Variants in LENG9 observed in about 807,000 individuals in gnomAD.
The protein encoded by LENG9 is leukocyte receptor cluster (LRC) member 9.
For synonymous variants in LENG9, 410 were observed against 303.9 expected (o/e 1.35, Z -3.63); for missense variants, 872 against 652.7 (o/e 1.34, Z -3.66).
At position 54,462,639 on chromosome 19, in the gene LENG9, G is replaced by A. The variant is rs748579099; in HGVS notation, c.888C>T (p.Arg296=). ...CCATGAGGGCCACAAAATGTGTGGGGCGCGGTTGGCAAGGGGCTGCAACAC... is the reference window on the plus strand; with the variant it reads ...CCATGAGGGCCACAAAATGTGTGGGACGCGGTTGGCAAGGGGCTGCAACAC... ...RLSVAAPCQP[R]PTHFVALMVT... Residue 296 remains arginine, a synonymous_variant, in exon 1 of 1, where the codon CGC becomes CGT. Transcript: ENST00000611161. 4 of 1,613,372 alleles carry A rather than the reference G, an allele frequency of 2.5e-6. No homozygotes were observed. The highest frequency in any genetic ancestry group is 1.7e-5 in the Admixed American group (1 of 60,026).
chr19:54,463,718 G>A lies in LENG9; in HGVS notation c.-192C>T, dbSNP rs553366643. The A allele has an allele frequency of 2.2e-4, 160 of 715,856 alleles. No individual in the cohort carries two copies. The East Asian group carries it at 5.6e-3, about 25-fold the overall frequency. The allele number at this position is 715,856 out of a possible 1,614,324, so 44.3% of individuals were successfully genotyped here. A position where few individuals can be genotyped will look rare whatever the true frequency, so the allele number is the denominator to read the frequency against. On this transcript the variant is annotated 5_prime_UTR_variant, in exon 1 of 1. Coordinates refer to ENST00000611161, the MANE Select transcript of LENG9 (RefSeq NM_001301782.2). ...CCTCCTTGGTGGAGAGCCTGACACC[G>A]CTGCTCTGGGACTTCCCGGCTGCGC... is the stretch of plus-strand genomic sequence containing the variant.
rs1246400507 is a variant in LENG9, at chr19:54,463,126, A to C, written c.401T>G (p.Leu134Arg). ...GGTGCGCGAGGCGCGGTCCCACACA[A>C]GGCGGCCACGGAAGCGGAAGAAGCG... The part of the protein sequence containing the change: ...RVRFFRFRGR[L>R]VWDRASRTDL... The change falls in exon 1 of 1, where the codon CTT becomes CGT. Residue 134 changes from leucine (L) to arginine (R), a missense_variant. Leu to Arg is a moderately radical substitution (Grantham distance 102, BLOSUM62 -2). Transcript: ENST00000611161. 3 of 1,599,230 alleles carry C rather than the reference A, an allele frequency of 1.9e-6. No individual in the cohort carries two copies. Among genetic ancestry groups the C allele is most frequent in the East Asian group, 4.5e-5 (2 of 44,632 alleles).
Position 54,462,325 on chromosome 19 carries a change from T to C in LENG9, c.1202A>G (p.Gln401Arg), listed in dbSNP as rs1160620399. The change falls in exon 1 of 1, where the codon CAA (glutamine) becomes CGA (arginine). Residue 401 changes from glutamine to arginine, a missense_variant. Coordinates refer to ENST00000611161, the MANE Select transcript of LENG9 (RefSeq NM_001301782.2). The stretch of plus-strand genomic sequence containing the variant: ...GGCTTCCAGCCTCTGGCTCAGCACT[T>C]GTGCCATGCTTTCCAGTGTGGGAGA... ...PPSPTLESMA[Q>R]VLSQRLEAEG... is the part of the protein sequence containing the mutation. 6.2e-7 allele frequency: 1 copy of C among 1,606,108 alleles called. No homozygotes were observed. Among genetic ancestry groups the C allele is most frequent in the African/African-American group, 1.3e-5 (1 of 74,924 alleles).
rs2084675859 is a variant in LENG9 at position 54,463,628 on chromosome 19, G to A, written c.-102C>T. Reference sequence around the variant, plus strand: ...AGCCTCACCCGACAGTGGCGTCAGCGGCCCGCGCTCCGGCCTAGCTCTGGG... The same window carrying A: ...AGCCTCACCCGACAGTGGCGTCAGCAGCCCGCGCTCCGGCCTAGCTCTGGG... On this transcript the variant is annotated 5_prime_UTR_variant, in exon 1 of 1. Transcript: ENST00000611161. 2.4e-6 allele frequency: 3 copies of A among 1,258,706 alleles called. No individual in the cohort carries two copies. 78.0% of individuals were successfully genotyped at this position (1,258,706 alleles called of 1,614,324 possible). A position where few individuals can be genotyped will look rare whatever the true frequency, so the allele number is the denominator to read the frequency against.
In LENG9 at chr19:54,463,323, C is replaced by T. The variant is rs1194958917; in HGVS notation, c.204G>A (p.Ala68=). 1 of 1,501,990 alleles carries T rather than the reference C, an allele frequency of 6.7e-7. No individual in the cohort carries two copies. Among genetic ancestry groups the T allele is most frequent in the Non-Finnish European group, 8.8e-7 (1 of 1,131,122 alleles). The allele number at this position is 1,501,990 out of a possible 1,614,324, so 93.0% of individuals were successfully genotyped here. Residue 68 remains alanine (A), a synonymous_variant, in exon 1 of 1, where the codon GCG becomes GCA. Transcript: ENST00000611161. ...CCCAGCGGATGCGCTGGATGACGTC[C>T]GCGGCTGTGCGCAGCGGCGGCTTCT... is the stretch of plus-strand genomic sequence containing the variant. ...GAKKPPLRTA[A]DVIQRIRWDP...
chr19:54,463,463 G>T lies in LENG9; in HGVS notation c.64C>A (p.Pro22Thr). 1 of 1,286,398 alleles carries T rather than the reference G, an allele frequency of 7.8e-7. No homozygotes were observed. The highest frequency in any genetic ancestry group is 9.8e-7 in the Non-Finnish European group (1 of 1,016,640). The allele number at this position is 1,286,398 out of a possible 1,614,324, so 79.7% of individuals were successfully genotyped here. ...CCTTCCAGGAAGAAGCGGCAGGCCG[G>T]CGGGGGCGCGGGTTCCGTGGCGGGG... The part of the protein sequence containing the change: ...EAPATEPAPP[P>T]ACRFFLEGRC... Residue 22 changes from proline to threonine, a missense_variant, in exon 1 of 1, where the codon CCG (proline) becomes ACG (threonine). Physicochemically the swap from Pro to Thr is conservative, Grantham distance 38. Coordinates refer to ENST00000611161, the MANE Select transcript of LENG9 (RefSeq NM_001301782.2).
chr19:54,462,699 A>T lies in LENG9; in HGVS notation c.828T>A (p.Pro276=). ...SAETTEAEWG[P]AAWPEDKRAR... is the part of the protein sequence containing the mutation. ...CCCTTTTGTCCTCGGGCCAGGCCGC[A>T]GGACCCCACTCGGCTTCTGTCGTCT... The change falls in exon 1 of 1, where the codon CCT becomes CCA. Residue 276 remains proline (P), a synonymous_variant. Coordinates refer to ENST00000611161, the MANE Select transcript of LENG9 (RefSeq NM_001301782.2). 6.2e-7 allele frequency: 1 copy of T among 1,611,078 alleles called. No individual in the cohort carries two copies. Among genetic ancestry groups the T allele is most frequent in the Non-Finnish European group, 8.5e-7 (1 of 1,179,990 alleles).
chr19:54,462,114 G>C lies in LENG9; in HGVS notation c.1413C>G (p.Pro471=). Residue 471 remains proline (P), a synonymous_variant, in exon 1 of 1, where the codon CCC becomes CCG. Transcript: ENST00000611161. The part of the protein sequence containing the change: ...RIGRTGGPFQ[P]LAEIPLE ...GTCACTCCAGGGGGATCTCAGCCAG[G>C]GGCTGGAAAGGCCCCCCTGTCCTCC... 6.4e-7 allele frequency: 1 copy of C among 1,572,702 alleles called. No homozygotes were observed. The highest frequency in any genetic ancestry group is 8.6e-7 in the Non-Finnish European group (1 of 1,158,572).
In LENG9 at chr19:54,462,197, T is replaced by C. The variant is rs1313532687; in HGVS notation, c.1330A>G (p.Thr444Ala). Residue 444 changes from threonine to alanine, a missense_variant, in exon 1 of 1, where the codon ACC becomes GCC. Coordinates refer to ENST00000611161, the MANE Select transcript of LENG9 (RefSeq NM_001301782.2). ...SQVHLPKLEFTLSQEVGCQPL... is the reference protein window; with the variant it reads ...SQVHLPKLEFALSQEVGCQPL... ...TGGCACCCCACTTCCTGGCTGAGGG[T>C]GAACTCCAGCTTGGGGAGGTGGACC... The C allele has an allele frequency of 1.2e-6, 2 of 1,613,366 alleles. No homozygotes were observed. Among genetic ancestry groups the C allele is most frequent in the Non-Finnish European group, 1.7e-6 (2 of 1,179,650 alleles).
rs934262317 is a variant in LENG9 at position 54,463,472 on chromosome 19, C to T, written c.55G>A (p.Ala19Thr). 4 of 1,294,468 alleles carry T rather than the reference C, an allele frequency of 3.1e-6. No homozygotes were observed. In the African/African-American group the frequency reaches 4.6e-5, roughly 15 times the overall value. 80.2% of individuals were successfully genotyped at this position (1,294,468 alleles called of 1,614,324 possible). A position where few individuals can be genotyped will look rare whatever the true frequency, so the allele number is the denominator to read the frequency against. The change falls in exon 1 of 1, where the codon GCG becomes ACG. Residue 19 changes from alanine to threonine, a missense_variant. Physicochemically the swap from Ala to Thr is moderately conservative, Grantham distance 58 (BLOSUM62 0). Transcript: ENST00000611161. The part of the protein sequence containing the change: ...LPQEAPATEP[A>T]PPPACRFFLE... ...AAGAAGCGGCAGGCCGGCGGGGGCG[C>T]GGGTTCCGTGGCGGGGGCTTCCTGC...
rs1429439314 is a variant in LENG9 at position 54,462,665 on chromosome 19, T to C, written c.862A>G (p.Ser288Gly). The C allele has an allele frequency of 6.2e-7, 1 of 1,612,300 alleles. No individual in the cohort carries two copies. Among genetic ancestry groups the C allele is most frequent in the Admixed American group, 1.7e-5 (1 of 59,990 alleles). ...AWPEDKRARL[S>G]VAAPCQPRPT... The stretch of plus-strand genomic sequence containing the variant: ...CGCGGTTGGCAAGGGGCTGCAACAC[T>C]AAGGCGGGCCCTTTTGTCCTCGGGC... Residue 288 changes from serine to glycine, a missense_variant, in exon 1 of 1, where the codon AGT becomes GGT. Transcript: ENST00000611161.
rs1369343644 is a variant in LENG9 at position 54,463,226 on chromosome 19, A to G, written c.301T>C (p.Phe101Leu). 5.2e-6 allele frequency: 8 copies of G among 1,548,206 alleles called. No individual in the cohort carries two copies. In the South Asian group the frequency reaches 5.9e-5, roughly 11 times the overall value. Residue 101 changes from phenylalanine (F) to leucine (L), a missense_variant, in exon 1 of 1, where the codon TTC becomes CTC. By Grantham distance (22) the Phe-to-Leu change is conservative. Transcript: ENST00000611161. ...GGCTGGTCCCAGCAAAAGGCGCTGA[A>G]GGGCTCCTCGCGCACACCCAGAAAG... The part of the protein sequence containing the change: ...DRFLGVREEP[F>L]SAFCWDQPLA...
At position 54,463,637 on chromosome 19, in the gene LENG9, T is replaced by G. The variant is rs1328155535; in HGVS notation, c.-111A>C. The G allele has an allele frequency of 8.0e-7, 1 of 1,253,120 alleles. No individual in the cohort carries two copies. Among genetic ancestry groups the G allele is most frequent in the African/African-American group, 1.6e-5 (1 of 63,378 alleles). The allele number at this position is 1,253,120 out of a possible 1,614,324, so 77.6% of individuals were successfully genotyped here. On this transcript the variant is annotated 5_prime_UTR_variant, in exon 1 of 1. Coordinates refer to ENST00000611161, the MANE Select transcript of LENG9 (RefSeq NM_001301782.2). Reference sequence around the variant, plus strand: ...CGACAGTGGCGTCAGCGGCCCGCGCTCCGGCCTAGCTCTGGGGACCACGCC... The same window carrying G: ...CGACAGTGGCGTCAGCGGCCCGCGCGCCGGCCTAGCTCTGGGGACCACGCC...
In LENG9 at chr19:54,463,638, C is replaced by A; in HGVS notation, c.-112G>T. 8.0e-7 allele frequency: 1 copy of A among 1,252,958 alleles called. No homozygotes were observed. The highest frequency in any genetic ancestry group is 2.4e-5 in the South Asian group (1 of 41,022). 77.6% of individuals were successfully genotyped at this position (1,252,958 alleles called of 1,614,324 possible). ...GACAGTGGCGTCAGCGGCCCGCGCT[C>A]CGGCCTAGCTCTGGGGACCACGCCG... On this transcript the variant is annotated 5_prime_UTR_variant, in exon 1 of 1. Coordinates refer to ENST00000611161, the MANE Select transcript of LENG9 (RefSeq NM_001301782.2).
At position 54,462,561 on chromosome 19, in the gene LENG9, G is replaced by A; in HGVS notation, c.966C>T (p.Val322=). 22 of 1,613,750 alleles carry A rather than the reference G, an allele frequency of 1.4e-5. No homozygotes were observed. The highest frequency in any genetic ancestry group is 1.9e-5 in the Non-Finnish European group (22 of 1,180,034). The change falls in exon 1 of 1, where the codon GTC becomes GTT. Residue 322 remains valine (V), a synonymous_variant. Transcript: ENST00000611161. ...AEVTKAQEYL[V]HVAPHCANFL... is the part of the protein sequence containing the mutation. ...AGTTGGCGCAGTGTGGGGCCACGTG[G>A]ACCAGGTATTCCTGGGCCTTGGTCA...
chr19:54,463,605 C>A lies in LENG9; in HGVS notation c.-79G>T, dbSNP rs1193094627. 1.5e-5 allele frequency: 19 copies of A among 1,288,568 alleles called. No individual in the cohort carries two copies. The highest frequency in any genetic ancestry group is 1.9e-5 in the Non-Finnish European group (19 of 1,014,512). 79.8% of individuals were successfully genotyped at this position (1,288,568 alleles called of 1,614,324 possible). A position where few individuals can be genotyped will look rare whatever the true frequency, so the allele number is the denominator to read the frequency against. ...GGCGGCTCCCCTTGGATGCACCGAGCCTCACCCGACAGTGGCGTCAGCGGC... is the reference window on the plus strand; with the variant it reads ...GGCGGCTCCCCTTGGATGCACCGAGACTCACCCGACAGTGGCGTCAGCGGC... On this transcript the variant is annotated 5_prime_UTR_variant, in exon 1 of 1. Coordinates refer to ENST00000611161, the MANE Select transcript of LENG9 (RefSeq NM_001301782.2).
In LENG9 at chr19:54,462,845, G is replaced by A. The variant is rs1415960848; in HGVS notation, c.682C>T (p.Leu228=). ...ALGTAADLGT[L]APRGRLAGVT... Reference sequence around the variant, plus strand: ...CCGGCGAGGCGTCCTCTTGGGGCCAGTGTTCCCAAATCAGCAGCTGTGCCC... The same window carrying A: ...CCGGCGAGGCGTCCTCTTGGGGCCAATGTTCCCAAATCAGCAGCTGTGCCC... The change falls in exon 1 of 1, where the codon CTG becomes TTG. Residue 228 remains leucine (L), a synonymous_variant. Coordinates refer to ENST00000611161, the MANE Select transcript of LENG9 (RefSeq NM_001301782.2). The A allele has an allele frequency of 1.2e-6, 2 of 1,612,564 alleles. No individual in the cohort carries two copies. The highest frequency in any genetic ancestry group is 1.7e-6 in the Non-Finnish European group (2 of 1,179,896).
Position 54,463,611 on chromosome 19 carries a change from C to T in LENG9, c.-85G>A. The T allele has an allele frequency of 3.1e-6, 4 of 1,277,554 alleles. No homozygotes were observed. Among genetic ancestry groups the T allele is most frequent in the Non-Finnish European group, 4.0e-6 (4 of 1,007,780 alleles). The allele number at this position is 1,277,554 out of a possible 1,614,324, so 79.1% of individuals were successfully genotyped here. On this transcript the variant is annotated 5_prime_UTR_variant, in exon 1 of 1. Transcript: ENST00000611161. ...TCCCCTTGGATGCACCGAGCCTCAC[C>T]CGACAGTGGCGTCAGCGGCCCGCGC...
chr19:54,463,092 G>C lies in LENG9; in HGVS notation c.435C>G (p.Val145=). ...GTCCCGCCGCCGAGCCAGAGCCAAAGACGAGGTCGGTGCGCGAGGCGCGGT... is the reference window on the plus strand; with the variant it reads ...GTCCCGCCGCCGAGCCAGAGCCAAACACGAGGTCGGTGCGCGAGGCGCGGT... The part of the protein sequence containing the change: ...VWDRASRTDL[V]FGSGSAAGRG... Residue 145 remains valine (V), a synonymous_variant, in exon 1 of 1, where the codon GTC becomes GTG. Coordinates refer to ENST00000611161, the MANE Select transcript of LENG9 (RefSeq NM_001301782.2). 1 of 1,602,752 alleles carries C rather than the reference G, an allele frequency of 6.2e-7. No individual in the cohort carries two copies. The highest frequency in any genetic ancestry group is 8.5e-7 in the Non-Finnish European group (1 of 1,179,432).
Sources: allele counts gnomAD v4.1 joint callset, GRCh38; gene constraint gnomAD v4.1.1; transcripts MANE v1.5; gene names NCBI Gene and HGNC (gene_info 2026-07-23, HGNC 2026-07-21).